Variants in ZNF169 observed in about 807,000 individuals in gnomAD.
ZNF169 encodes the protein zinc finger protein 169.
In ZNF169, 11 loss-of-function variants were observed where a neutral mutation model predicts 12.0. That is an observed-to-expected ratio of 0.92 (90% CI 0.58 to 1.52). ZNF169 has a LOEUF of 1.52. ZNF169 is among the 40% of genes most tolerant of loss of function. ZNF169 has a pLI of 0.00. For missense variants in ZNF169, 722 were observed against 744.0 expected (o/e 0.97, Z 0.34); for synonymous variants, 302 against 286.5 (o/e 1.05, Z -0.55).
intron 1 of ZNF169, among the ~76,000 whole-genome samples, chr9:94,270,827 TAA>T (rs1228424493): frequency 0.57 from 23,943 of 42,064 alleles, 7,816 homozygotes; most frequent in Non-Finnish European, 0.64. Flanking sequence ...TAAATATATA[TAA>T]AATATATATA....
rs1197435998 is a variant in ZNF169, at chr9:94,267,752, C to G, written c.-56+8407C>G. ...TATTAATGAACATTTTAGCTCTTCACGAGTCCTGAACGTTTTTCCTCTATT... is the reference window on the plus strand; with the variant it reads ...TATTAATGAACATTTTAGCTCTTCAGGAGTCCTGAACGTTTTTCCTCTATT... On this transcript the variant is annotated intron_variant, in intron 1 of 4. Transcript: ENST00000395395. Among the ~76,000 whole-genome samples the G allele has an allele frequency of 3.3e-5, 5 of 152,046 alleles. 1 individual carries two copies. The highest frequency in any genetic ancestry group is 9.7e-5 in the African/African-American group (4 of 41,418).
chr9:94,296,185 C>T (rs184986769), intron 4 of ZNF169, among the ~76,000 whole-genome samples: 3 of 152,276 alleles, frequency 2.0e-5, no homozygotes, highest in Non-Finnish European at 4.4e-5. Flanking sequence ...TAGTGAAGTA[C>T]GTTTTCACAT....
chr9:94,278,197 T>A (rs972260826), intron 1 of ZNF169, among the ~76,000 whole-genome samples: 1 of 152,222 alleles, frequency 6.6e-6, no homozygotes, highest in African/African-American at 2.4e-5. Context: ...ACTAGGTCAG[T>A]TACTGACTGC....
chr9:94,265,215 G>C (rs954801505), intron 1 of ZNF169, among the ~76,000 whole-genome samples: 1 of 151,950 alleles, frequency 6.6e-6, no homozygotes, highest in Non-Finnish European at 1.5e-5. Flanking sequence ...AGATGAACTG[G>C]GGAGGAAGAG....
In ZNF169 at chr9:94,260,740, G is replaced by A. The variant is rs115202630; in HGVS notation, c.-56+1395G>A. ...CAAGGAACATTTTTCTCAAGCCTCA[G>A]GGGGCTGTTGAGTGACTCCTTGAAT... On this transcript the variant is annotated intron_variant, in intron 1 of 4. Transcript: ENST00000395395. 5.2e-3 allele frequency among the ~76,000 whole-genome samples: 794 copies of A among 152,124 alleles called. 8 individuals are homozygous for A. Among genetic ancestry groups the A allele is most frequent in the African/African-American group, 0.018 (749 of 41,490 alleles).
At chr9:94,279,592 A>G (rs1321935919) in intron 2 of ZNF169, among the ~76,000 whole-genome samples, 1 of 142,720 alleles carries the variant, frequency 7.0e-6, no homozygotes, top group Non-Finnish European at 1.5e-5. Context: ...GTGAGCCGAG[A>G]TTGCGCCATT....
rs759413445 is a variant in ZNF169, at chr9:94,300,549, A to G, written c.991A>G (p.Ile331Val). Residue 331 changes from isoleucine to valine, a missense_variant, in exon 5 of 5, where the codon ATA becomes GTA. Ile to Val is a conservative substitution (Grantham distance 29). Transcript: ENST00000395395. Reference sequence around the variant, plus strand: ...GTGTGGGCGAGGCTTTCGCCAGAAGATAGCCCTCCTTCTACACCAGAGGAC... The same window carrying G: ...GTGTGGGCGAGGCTTTCGCCAGAAGGTAGCCCTCCTTCTACACCAGAGGAC... Reference protein sequence around the residue: ...QECGRGFRQKIALLLHQRTHL... With the variant: ...QECGRGFRQKVALLLHQRTHL... 2 of 1,613,134 alleles carry G rather than the reference A, an allele frequency of 1.2e-6. No homozygotes were observed. The highest frequency in any genetic ancestry group is 2.7e-5 in the African/African-American group (2 of 74,600).
intron 1 of ZNF169, among the ~76,000 whole-genome samples, chr9:94,266,970 G>T (rs979200115): frequency 1.3e-5 from 2 of 149,990 alleles, no homozygotes; most frequent in Non-Finnish European, 3.0e-5. Flanking sequence ...GTGCAGTGGC[G>T]CGATCTTGGC....
chr9:94,287,078 G>A (rs1444242637), intron 2 of ZNF169, among the ~76,000 whole-genome samples: 2 of 152,118 alleles, frequency 1.3e-5, no homozygotes, highest in African/African-American at 4.8e-5. Flanking sequence ...TACTCAATAT[G>A]AATTTACAAA....
intron 3 of ZNF169, 173 bp downstream of exon 3, chr9:94,292,640 T>TGTGTGTGTGTGTGCGC (rs35889937): frequency 2.0e-5 from 15 of 741,218 alleles, no homozygotes; most frequent in African/African-American, 1.6e-4. Flanking sequence ...TGTGTGTGTG[T>TGTGTGTGTGTGTGCGC]GCGCGTGCAC....
intron 1 of ZNF169, among the ~76,000 whole-genome samples, chr9:94,274,626 C>T (rs1276559628): frequency 3.9e-5 from 6 of 152,120 alleles, no homozygotes; most frequent in African/African-American, 1.2e-4. Context: ...CCTAACCTGC[C>T]GCACATCAGA....
At chr9:94,296,047 T>C (rs1235754431) in intron 4 of ZNF169, among the ~76,000 whole-genome samples, 1 of 152,224 alleles carries the variant, frequency 6.6e-6, no homozygotes, top group Non-Finnish European at 1.5e-5. Flanking sequence ...AAAACTTGGC[T>C]TGGTTATTAA....
At chr9:94,260,963 G>A (rs796432674) in intron 1 of ZNF169, among the ~76,000 whole-genome samples, 49 of 151,690 alleles carry the variant, frequency 3.2e-4, no homozygotes, top group African/African-American at 1.2e-3. Flanking sequence ...GGTACCACAG[G>A]CGCCCGCCAC....
chr9:94,294,369 C>T (rs554987490), intron 4 of ZNF169: 41 of 151,834 alleles, frequency 2.7e-4, no homozygotes, highest in Non-Finnish European at 4.3e-4. Flanking sequence ...ATCCGGGAGG[C>T]GGACGTTGCA....
At chr9:94,283,832 G>A (rs1344187181) in intron 2 of ZNF169, among the ~76,000 whole-genome samples, 1 of 152,092 alleles carries the variant, frequency 6.6e-6, no homozygotes, top group African/African-American at 2.4e-5. Flanking sequence ...ACTTTGGGAG[G>A]CTGAGACTGG....
At chr9:94,293,607 G>A (rs191220530) in intron 4 of ZNF169, 57 of 166,304 alleles carry the variant, frequency 3.4e-4, no homozygotes, top group Admixed American at 3.0e-3. Flanking sequence ...TTTTAGTAGA[G>A]ATGGGGTTTC....
chr9:94,275,129 C>G (rs1045886561), intron 1 of ZNF169, among the ~76,000 whole-genome samples: 1 of 152,108 alleles, frequency 6.6e-6, no homozygotes, highest in African/African-American at 2.4e-5. Context: ...CACAGCTACT[C>G]TGGCGGCTGA....
chr9:94,260,714 C>G (rs987244403), intron 1 of ZNF169, among the ~76,000 whole-genome samples: 1 of 151,624 alleles, frequency 6.6e-6, no homozygotes, highest in Non-Finnish European at 1.5e-5. Flanking sequence ...GCCCATAGGG[C>G]CAAGGAACAT....
chr9:94,284,382 G>C (rs1476389433), intron 2 of ZNF169, among the ~76,000 whole-genome samples: 1 of 150,978 alleles, frequency 6.6e-6, no homozygotes, highest in Non-Finnish European at 1.5e-5. Context: ...ATGAGATCGT[G>C]CCACTGCACT....
Sources: gnomAD v4.1 joint callset for allele counts (sites outside exome capture counted in the v4.1 genomes callset) on GRCh38, gnomAD v4.1.1 for gene constraint, MANE v1.5 for transcripts, NCBI Gene and HGNC (gene_info 2026-07-23, HGNC 2026-07-21) for gene names.